Variants in INTS6 observed in about 807,000 individuals in gnomAD.
INTS6 encodes the protein integrator complex subunit 6, also known as DEAD box protein.
In INTS6, 16 loss-of-function variants were observed where a neutral mutation model predicts 104.9. That is an observed-to-expected ratio of 0.15 (90% CI 0.10 to 0.23). INTS6 has a LOEUF of 0.23. Among genes scored for constraint, INTS6 ranks in the 10% least tolerant of loss-of-function variants. INTS6 has a pLI of 1.00. For synonymous variants in INTS6, 324 were observed against 358.7 expected, an observed-to-expected ratio of 0.90 and a Z score of 1.09; for missense variants, 584 against 1,062.8, an observed-to-expected ratio of 0.55 and a Z score of 6.26.
chr13:51,449,365 TAGACAAGAACTA>T lies in INTS6; in HGVS notation c.339+1648_339+1659del, dbSNP rs1566256871. 6.1e-6 allele frequency: 4 copies of T among 652,294 alleles called. No individual in the cohort carries two copies. In the Admixed American group the frequency reaches 2.5e-4, roughly 41 times the overall value. The allele number at this position is 652,294 out of a possible 1,614,324, so 40.4% of individuals were successfully genotyped here. A position where few individuals can be genotyped will look rare whatever the true frequency, so the allele number is the denominator to read the frequency against. Reference sequence around the variant, plus strand: ...TCCCGCAAACTTTTGGTAAGCCTTATAGACAAGAACTAAAGTGTTCTCTGGGGGCAGATATCA... The same window carrying T: ...TCCCGCAAACTTTTGGTAAGCCTTATAAGTGTTCTCTGGGGGCAGATATCA... On this transcript the variant is annotated intron_variant, in intron 3 of 17. Coordinates refer to ENST00000311234, the MANE Select transcript of INTS6 (RefSeq NM_012141.3).
chr13:51,361,258 T>C, downstream of INTS6: 1 of 1,547,646 alleles, frequency 6.5e-7, no homozygotes, highest in South Asian at 1.1e-5. Flanking sequence ...ACTCACATTT[T>C]TATCATTTTC....
chr13:51,397,425 G>A (rs547206662), intron 4 of INTS6, among the ~76,000 whole-genome samples: 16 of 152,290 alleles, frequency 1.1e-4, no homozygotes, highest in Admixed American at 3.9e-4. Flanking sequence ...TCTCTGGCAC[G>A]TAAGGCAGAA....
At chr13:51,336,701 A>G in the INTS6 span, among the ~76,000 whole-genome samples, 1 of 152,178 alleles carries the variant, frequency 6.6e-6, no homozygotes. Flanking sequence ...GCACCATGAT[A>G]AGGCTGTTTG....
Position 51,452,372 on chromosome 13 carries a change from G to T in INTS6, c.111+43C>A. On this transcript the variant is annotated intron_variant, in intron 1 of 17. Coordinates refer to ENST00000311234, the MANE Select transcript of INTS6 (RefSeq NM_012141.3). The surrounding 1 kb of genome is among the most constrained non-coding windows in gnomAD (Gnocchi z 4.2). The stretch of plus-strand genomic sequence containing the variant: ...CCCTCCCCCACCCTGCCGCCCGCGG[G>T]CCGCCGGGCCGGGGTCGCCGCCCGG... The T allele has an allele frequency of 6.7e-7, 1 of 1,493,746 alleles. No individual in the cohort carries two copies. The highest frequency in any genetic ancestry group is 8.9e-7 in the Non-Finnish European group (1 of 1,119,588). 92.5% of individuals were successfully genotyped at this position (1,493,746 alleles called of 1,614,324 possible).
At chr13:51,386,366 T>A (rs1344053313) in intron 7 of INTS6, among the ~76,000 whole-genome samples, 1 of 152,048 alleles carries the variant, frequency 6.6e-6, no homozygotes, top group Non-Finnish European at 1.5e-5. Context: ...TCTGTAAGAG[T>A]TGAAAGAGCT....
Position 51,362,020 on chromosome 13 carries a change from G to A in INTS6, c.*3732C>T. On this transcript the variant is annotated 3_prime_UTR_variant, in exon 18 of 18. Coordinates refer to ENST00000311234, the MANE Select transcript of INTS6 (RefSeq NM_012141.3). ...TAGCTGTTTTTATGGTGCTTCAGAA[G>A]CTACCCAGTTGCTATCTTCTATCCT... The A allele has an allele frequency of 6.2e-7, 1 of 1,605,734 alleles. No homozygotes were observed. The highest frequency in any genetic ancestry group is 8.5e-7 in the Non-Finnish European group (1 of 1,176,550).
At chr13:51,356,705 C>T (rs1483852310), downstream of INTS6, among the ~76,000 whole-genome samples, 1 of 152,072 alleles carries the variant, frequency 6.6e-6, no homozygotes, top group Non-Finnish European at 1.5e-5. Context: ...TTGGTAAAGG[C>T]TTCCAAGGTC....
chr13:51,402,745 T>G (rs886377416), intron 4 of INTS6: 1 of 152,188 alleles, frequency 6.6e-6, no homozygotes, highest in South Asian at 2.1e-4. Context: ...CCTTCACCTT[T>G]GAGTCCATCT....
intron 15 of INTS6, among the ~76,000 whole-genome samples, chr13:51,373,961 T>G (rs1376919363): frequency 6.6e-6 from 1 of 152,220 alleles, no homozygotes; most frequent in Non-Finnish European, 1.5e-5. Flanking sequence ...GAAAGTATTA[T>G]TTTGAAAGAT....
At chr13:51,354,470 T>C (rs1955449799) in intron 3 of INTS6, 1 of 152,016 alleles carries the variant, frequency 6.6e-6, no homozygotes, top group Non-Finnish European at 1.5e-5. Context: ...TACAAATGAA[T>C]TGGAGCCTGG....
At position 51,378,372 on chromosome 13, in the gene INTS6, G is replaced by A. The variant is rs772163257; in HGVS notation, c.1469C>T (p.Ser490Leu). Residue 490 changes from serine (S) to leucine (L), a missense_variant, in exon 12 of 18, where the codon TCA becomes TTA. Around this residue, in one of 5 missense-constraint regions of INTS6, gnomAD observed 74 missense variants for 64.4 expected, o/e 1.15. Coordinates refer to ENST00000311234, the MANE Select transcript of INTS6 (RefSeq NM_012141.3). ...QETGIKVRSR[S>L]HGLSMAYRKD... is the part of the protein sequence containing the mutation. ...CCTATATGCCATTGATAAACCATGT[G>A]ATCGGCTCCGGACTTTTATTCCAGT... 1.9e-6 allele frequency: 3 copies of A among 1,613,414 alleles called. No homozygotes were observed. In the East Asian group the frequency reaches 6.7e-5, roughly 36 times the overall value.
At chr13:51,408,051 T>C (rs892081009) in intron 4 of INTS6, among the ~76,000 whole-genome samples, 2 of 149,784 alleles carry the variant, frequency 1.3e-5, no homozygotes, top group Admixed American at 1.3e-4. Flanking sequence ...ACATTTTCAA[T>C]GCTAAAGTAT....
intron 3 of INTS6, among the ~76,000 whole-genome samples, chr13:51,356,399 CTA>C (rs1256619491): frequency 6.6e-5 from 10 of 152,234 alleles, no homozygotes; most frequent in African/African-American, 1.2e-4. Flanking sequence ...TAAGAGAATT[CTA>C]TGTTTGATAA....
rs71085081 is a variant in INTS6 at position 51,403,595 on chromosome 13, AAAAAAAAAAG to A, written c.430-8122_430-8113del. Among the ~76,000 whole-genome samples the A allele has an allele frequency of 2.2e-5, 3 of 138,756 alleles. No homozygotes were observed. The Admixed American group carries it at 2.4e-4, about 11-fold the overall frequency. 91.0% of individuals were successfully genotyped at this position (138,756 alleles called of 152,430 possible). ...AGACTCCATTTCAAAAAAAAAAAAG[AAAAAAAAAAG>A]AAAAAAAAAAAAAGAAAAAGATTTC... On this transcript the variant is annotated intron_variant, in intron 4 of 17. Transcript: ENST00000311234.
chr13:51,404,787 G>A (rs1956528803), intron 4 of INTS6, among the ~76,000 whole-genome samples: 1 of 151,934 alleles, frequency 6.6e-6, no homozygotes, highest in Non-Finnish European at 1.5e-5. Context: ...AATGAACTCA[G>A]CACAGTATCA....
chr13:51,375,946 T>C (rs912821930), intron 13 of INTS6, 102 bp downstream of exon 13: 17 of 898,394 alleles, frequency 1.9e-5, no homozygotes, highest in Admixed American at 1.4e-4. Flanking sequence ...AAGAATGTTA[T>C]AGTACTGTAA....
chr13:51,412,573 T>C (rs560402501), intron 4 of INTS6, among the ~76,000 whole-genome samples: 10 of 152,274 alleles, frequency 6.6e-5, no homozygotes, highest in African/African-American at 1.7e-4. Context: ...GCTCTCTCTC[T>C]CCCATGGGAG....
intron 4 of INTS6, among the ~76,000 whole-genome samples, chr13:51,414,463 T>C (rs974498523): frequency 2.0e-5 from 3 of 152,190 alleles, no homozygotes; most frequent in African/African-American, 2.4e-5. Context: ...AAAGAGGCAC[T>C]GTATGTGTGT....
intron 5 of INTS6, among the ~76,000 whole-genome samples, chr13:51,394,590 T>C (rs1956302919): frequency 6.6e-6 from 1 of 152,148 alleles, no homozygotes. Flanking sequence ...ATATTAAAAT[T>C]ATTTTAATAC....
Sources: gnomAD v4.1 joint callset for allele counts (sites outside exome capture counted in the v4.1 genomes callset) on GRCh38, gnomAD v4.1.1 for gene constraint, gnomAD v4.1.1 regional missense constraint, Gnocchi (gnomAD v3.1) non-coding constraint, MANE v1.5 for transcripts, NCBI Gene and HGNC (gene_info 2026-07-23, HGNC 2026-07-21) for gene names.